TRIM28: variants seen among roughly 807,000 people sequenced by gnomAD.
TRIM28 encodes the protein tripartite motif containing 28.
TRIM28 carries 8 observed loss-of-function variants against 87.4 expected under a neutral mutation model. The ratio of observed to expected loss-of-function variants is 0.09; its 90% CI spans 0.05 to 0.17. The LOEUF is 0.17. Ranked by LOEUF, TRIM28 falls within the 10% of genes least tolerant of loss-of-function variation. The probability of loss-of-function intolerance (pLI) is 1.00; values close to 1 mark genes in which losing one functional copy is unlikely to be tolerated. For synonymous variants in TRIM28, 601 were observed against 454.3 expected (o/e 1.32, Z -4.11); for missense variants, 968 against 1,131.8 (o/e 0.86, Z 2.08).
chr19:58,547,139 T>G, intron 3 of TRIM28: 1 of 530,104 alleles, frequency 1.9e-6, no homozygotes, highest in Non-Finnish European at 3.4e-6. Context: ...TACATTGTTG[T>G]TATCTCTAGA....
At position 58,544,676 on chromosome 19, in the gene TRIM28, C is replaced by T. The variant is rs994194288; in HGVS notation, c.-82C>T. The T allele has an allele frequency of 1.2e-5, 7 of 560,406 alleles. No individual in the cohort carries two copies. The highest frequency in any genetic ancestry group is 6.2e-5 in the African/African-American group (3 of 48,242). 34.7% of individuals were successfully genotyped at this position (560,406 alleles called of 1,614,324 possible). On this transcript the variant is annotated 5_prime_UTR_variant, in exon 1 of 17. Transcript: ENST00000253024. ...GGCGGCGGCGGCGGCAGCGGCCCAG[C>T]AGTTGGCGGCGAGCGCGTCTGCGCC...
chr19:58,546,420 A>G, intron 3 of TRIM28, among the ~76,000 whole-genome samples: 1 of 152,212 alleles, frequency 6.6e-6, no homozygotes, highest in East Asian at 1.9e-4. Context: ...TTGGTTTGGA[A>G]GGAGCTTGAG....
intron 1 of TRIM28, 69 bp downstream of exon 1, chr19:58,545,166 A>C (rs965345704): frequency 7.5e-7 from 1 of 1,325,394 alleles, no homozygotes; most frequent in African/African-American, 1.5e-5. Flanking sequence ...GGGTGCAGAG[A>C]TGAGGATGCC....
At chr19:58,547,260 C>A in intron 3 of TRIM28, 116 bp from the exon 4 acceptor site, 2 of 1,385,952 alleles carry the variant, frequency 1.4e-6, no homozygotes, top group Non-Finnish European at 2.0e-6. Flanking sequence ...TCTACATCTT[C>A]CCAATAAATG....
At chr19:58,545,926 T>G in intron 3 of TRIM28, 30 bp downstream of exon 3, 1 of 1,573,088 alleles carries the variant, frequency 6.4e-7, no homozygotes, top group South Asian at 1.1e-5. Context: ...GCTGTTGGAG[T>G]TGTTCTCCCA....
chr19:58,544,766 C>G lies in TRIM28; in HGVS notation c.9C>G (p.Ala3=). 1 of 1,135,396 alleles carries G rather than the reference C, an allele frequency of 8.8e-7. No individual in the cohort carries two copies. The highest frequency in any genetic ancestry group is 4.0e-5 in the South Asian group (1 of 25,132). The allele number at this position is 1,135,396 out of a possible 1,614,324, so 70.3% of individuals were successfully genotyped here. MA[A]SAAAASAAAA... is the part of the protein sequence containing the mutation. Reference sequence around the variant, plus strand: ...CCCCCGGCGGCGTGTGAATGGCGGCCTCCGCGGCGGCAGCCTCGGCAGCAG... The same window carrying G: ...CCCCCGGCGGCGTGTGAATGGCGGCGTCCGCGGCGGCAGCCTCGGCAGCAG... The change falls in exon 1 of 17, where the codon GCC becomes GCG. Residue 3 remains alanine (A), a synonymous_variant. Coordinates refer to ENST00000253024, the MANE Select transcript of TRIM28 (RefSeq NM_005762.3).
In TRIM28 at chr19:58,544,740, G is replaced by T. The variant is rs1338711273; in HGVS notation, c.-18G>T. On this transcript the variant is annotated 5_prime_UTR_variant, in exon 1 of 17. Transcript: ENST00000253024. Reference sequence around the variant, plus strand: ...CCGCGCCCCTCCTCCCCCCCTGGGCGCCCCCGGCGGCGTGTGAATGGCGGC... The same window carrying T: ...CCGCGCCCCTCCTCCCCCCCTGGGCTCCCCCGGCGGCGTGTGAATGGCGGC... 3 of 1,063,114 alleles carry T rather than the reference G, an allele frequency of 2.8e-6. No homozygotes were observed. Among genetic ancestry groups the T allele is most frequent in the African/African-American group, 1.7e-5 (1 of 58,512 alleles). The allele number at this position is 1,063,114 out of a possible 1,614,324, so 65.9% of individuals were successfully genotyped here. A position where few individuals can be genotyped will look rare whatever the true frequency, so the allele number is the denominator to read the frequency against.
chr19:58,548,995 T>C lies in TRIM28; in HGVS notation c.1417T>C (p.Ser473Pro), dbSNP rs746477659. Residue 473 changes from serine (S) to proline (P), a missense_variant, in exon 12 of 17, where the codon TCA becomes CCA. Ser to Pro is a moderately conservative substitution (Grantham distance 74, BLOSUM62 -1). This residue lies in a region of TRIM28 where 119 missense variants were observed against 93.6 expected (regional missense o/e 1.27). Transcript: ENST00000253024. ...AGGTTGCTGCATCTACAGGTCCCGCTCAGGTGAGGGCGAGGTGAGCGGCCT... is the reference window on the plus strand; with the variant it reads ...AGGTTGCTGCATCTACAGGTCCCGCCCAGGTGAGGGCGAGGTGAGCGGCCT... ...PHVSGVKRSR[S>P]GEGEVSGLMR... The C allele has an allele frequency of 1.6e-5, 26 of 1,614,016 alleles. No homozygotes were observed. Among genetic ancestry groups the C allele is most frequent in the Non-Finnish European group, 2.2e-5 (26 of 1,179,972 alleles).
In TRIM28 at chr19:58,549,413, C is replaced by G. The variant is rs765499008; in HGVS notation, c.1745C>G (p.Ala582Gly). 1.3e-6 allele frequency: 2 copies of G among 1,598,098 alleles called. No individual in the cohort carries two copies. The highest frequency in any genetic ancestry group is 1.3e-5 in the African/African-American group (1 of 74,654). Residue 582 changes from alanine to glycine, a missense_variant, in exon 13 of 17, where the codon GCG becomes GGG. Ala to Gly is a moderately conservative substitution (Grantham distance 60). Around this residue, in one of 11 missense-constraint regions of TRIM28, gnomAD observed 164 missense variants for 146.2 expected, o/e 1.12. Transcript: ENST00000253024. The surrounding 1 kb of genome is among the most constrained non-coding windows in gnomAD (Gnocchi z 4.4). ...PETKPVLMALAEGPGAEGPRL... is the reference protein window; with the variant it reads ...PETKPVLMALGEGPGAEGPRL... Reference sequence around the variant, plus strand: ...ACCAAACCTGTGCTTATGGCTCTTGCGGAGGGTCCTGGTGCTGAGGGTCCC... The same window carrying G: ...ACCAAACCTGTGCTTATGGCTCTTGGGGAGGGTCCTGGTGCTGAGGGTCCC...
At chr19:58,550,317 G>T (rs777428708) in intron 16 of TRIM28, 33 bp downstream of exon 16, 20 of 1,613,640 alleles carry the variant, frequency 1.2e-5, no homozygotes, top group Non-Finnish European at 1.7e-5. Context: ...CTGTGGGCAG[G>T]GGGAGATGTG....
At chr19:58,545,581 G>A (rs2053754325) in intron 2 of TRIM28, 44 bp downstream of exon 2, 2 of 1,539,558 alleles carry the variant, frequency 1.3e-6, no homozygotes, top group East Asian at 4.5e-5. Context: ...CTGGGGAGGG[G>A]GCATCTGCGC....
In TRIM28 at chr19:58,548,178, T is replaced by C. The variant is rs745335330; in HGVS notation, c.1099T>C (p.Leu367=). 3 of 1,614,104 alleles carry C rather than the reference T, an allele frequency of 1.9e-6. No individual in the cohort carries two copies. Among genetic ancestry groups the C allele is most frequent in the Non-Finnish European group, 2.5e-6 (3 of 1,179,986 alleles). ...NNTALLLSKK[L]IYFQLHRALK... is the part of the protein sequence containing the mutation. Reference sequence around the variant, plus strand: ...CACAGCCCTTTTGCTTTCTAAGAAGTTGGTGTGTACTGGTGGGCTCCTGGC... The same window carrying C: ...CACAGCCCTTTTGCTTTCTAAGAAGCTGGTGTGTACTGGTGGGCTCCTGGC... Residue 367 remains leucine (L), a splice_region_variant and synonymous_variant, in exon 7 of 17, where the codon TTG becomes CTG. Coordinates refer to ENST00000253024, the MANE Select transcript of TRIM28 (RefSeq NM_005762.3).
intron 3 of TRIM28, among the ~76,000 whole-genome samples, chr19:58,546,662 G>A (rs2053763598): frequency 6.6e-6 from 1 of 152,212 alleles, no homozygotes; most frequent in Non-Finnish European, 1.5e-5. Flanking sequence ...CATTGGGGAA[G>A]TCAGTTTCCC....
chr19:58,544,794 G>T lies in TRIM28; in HGVS notation c.37G>T (p.Ala13Ser). ...ASAAAASAAA[A>S]SAASGSPGPG... Reference sequence around the variant, plus strand: ...CGCGGCGGCAGCCTCGGCAGCAGCGGCCTCGGCCGCCTCTGGCAGCCCGGG... The same window carrying T: ...CGCGGCGGCAGCCTCGGCAGCAGCGTCCTCGGCCGCCTCTGGCAGCCCGGG... The change falls in exon 1 of 17, where the codon GCC becomes TCC. Residue 13 changes from alanine to serine, a missense_variant. By Grantham distance (99) the Ala-to-Ser change is moderately conservative. Transcript: ENST00000253024. 2 of 1,199,620 alleles carry T rather than the reference G, an allele frequency of 1.7e-6. No individual in the cohort carries two copies. The highest frequency in any genetic ancestry group is 2.1e-6 in the Non-Finnish European group (2 of 967,784). The allele number at this position is 1,199,620 out of a possible 1,614,324, so 74.3% of individuals were successfully genotyped here.
rs1940390148 is a variant in TRIM28, at chr19:58,544,411, CG to C, written c.-345del. 6.6e-6 allele frequency: 1 copy of C among 152,314 alleles called. No homozygotes were observed. The highest frequency in any genetic ancestry group is 2.4e-5 in the African/African-American group (1 of 41,434). 9.4% of individuals were successfully genotyped at this position (152,314 alleles called of 1,614,324 possible). On this transcript the variant is annotated 5_prime_UTR_variant, in exon 1 of 17. It introduces an in-frame stop codon into an upstream open reading frame of the 5' UTR. Transcript: ENST00000253024. ...TGAGGCGCCCAATGCGCGTGCGCGG[CG>C]GCGTCGGCGCCAGTTATTTCTGTCC...
rs1280603869 is a variant in TRIM28, at chr19:58,549,827, CGTG to C, written c.2078_2080del (p.Val693del). On this transcript the variant is annotated inframe_deletion, in exon 14 of 17. Transcript: ENST00000253024. The surrounding 1 kb of genome is among the most constrained non-coding windows in gnomAD (Gnocchi z 4.4). ...GCCTGGATGGTGCAGACAGCACTGG[CGTG>C]GTGGCCAAGCTCTCACCAGCCAACC... 1 of 1,612,572 alleles carries C rather than the reference CGTG, an allele frequency of 6.2e-7. No individual in the cohort carries two copies.
chr19:58,550,357 T>A lies in TRIM28; in HGVS notation c.2332-20T>A. On this transcript the variant is annotated intron_variant, in intron 16 of 16. Transcript: ENST00000253024. ...AAAGAACTAGGACCCATTCATCCACTGCATTCCTGCTTGGCCCAGGACAAG... is the reference window on the plus strand; with the variant it reads ...AAAGAACTAGGACCCATTCATCCACAGCATTCCTGCTTGGCCCAGGACAAG... 6.2e-7 allele frequency: 1 copy of A among 1,613,008 alleles called. No individual in the cohort carries two copies. Among genetic ancestry groups the A allele is most frequent in the South Asian group, 1.1e-5 (1 of 91,074 alleles).
chr19:58,545,642 C>T (rs2053755064), intron 2 of TRIM28, 105 bp downstream of exon 2: 2 of 1,510,724 alleles, frequency 1.3e-6, no homozygotes, highest in South Asian at 2.4e-5. Flanking sequence ...TCCCAAGGCT[C>T]TGGGTGGGCT....
chr19:58,547,254 C>T, intron 3 of TRIM28, 122 bp from the exon 4 acceptor site: 2 of 1,322,644 alleles, frequency 1.5e-6, no homozygotes, highest in Non-Finnish European at 2.1e-6. Context: ...ACACCCTCTA[C>T]ATCTTCCCAA....
Sources: allele counts gnomAD v4.1 joint callset (sites outside exome capture counted in the v4.1 genomes callset), GRCh38; gene constraint gnomAD v4.1.1; regional missense constraint gnomAD v4.1.1; non-coding constraint Gnocchi (gnomAD v3.1); transcripts MANE v1.5; gene names NCBI Gene and HGNC (gene_info 2026-07-23, HGNC 2026-07-21).